Variants in CNTN4 observed in about 807,000 individuals in gnomAD.
CNTN4 encodes the protein contactin-4.
CNTN4 carries 77 observed loss-of-function variants against 122.5 expected under a neutral mutation model. The ratio of observed to expected loss-of-function variants is 0.63; its 90% CI spans 0.52 to 0.76. The LOEUF (loss-of-function observed/expected upper bound fraction) is 0.76. Ranked by LOEUF, CNTN4 falls within the 30% of genes least tolerant of loss-of-function variation. The pLI is 0.00. For missense variants in CNTN4, 1,256 were observed against 1,259.1 expected (o/e 1.00, Z 0.04); for synonymous variants, 512 against 447.0 (o/e 1.15, Z -1.83).
At chr3:2,669,446 G>A (rs1378960899) in intron 4 of CNTN4, among the ~76,000 whole-genome samples, 3 of 151,978 alleles carry the variant, frequency 2.0e-5, no homozygotes, top group South Asian at 2.1e-4. Flanking sequence ...TATCCCCTTT[G>A]TCATTTTTTA....
At position 2,418,291 on chromosome 3, in the gene CNTN4, T is replaced by G. The variant is rs185771412; in HGVS notation, c.-89+79058T>G. ...CTTCCCCTCAATTTTGCTGTGAACCTAAAGCTGCCTAGAAAAAATAAAGTC... is the reference window on the plus strand; with the variant it reads ...CTTCCCCTCAATTTTGCTGTGAACCGAAAGCTGCCTAGAAAAAATAAAGTC... On this transcript the variant is annotated intron_variant, in intron 3 of 24. Coordinates refer to ENST00000418658, the MANE Select transcript of CNTN4 (RefSeq NM_175607.3). Among the ~76,000 whole-genome samples the G allele has an allele frequency of 5.2e-3, 787 of 152,116 alleles. 6 individuals are homozygous for G. The highest frequency in any genetic ancestry group is 0.018 in the African/African-American group (757 of 41,536).
chr3:2,269,593 A>T (rs3915041), intron 2 of CNTN4, among the ~76,000 whole-genome samples: 65 of 151,886 alleles, frequency 4.3e-4, no homozygotes, highest in Non-Finnish European at 4.6e-4. Context: ...TTAAGAAATC[A>T]CTTAGGAATG....
intron 4 of CNTN4, among the ~76,000 whole-genome samples, chr3:2,577,200 G>A (rs886867989): frequency 6.6e-5 from 10 of 152,096 alleles, no homozygotes; most frequent in Non-Finnish European, 1.0e-4. Flanking sequence ...CCTGCTCTTA[G>A]CCTCTACTTT....
chr3:2,558,748 TA>T (rs1197714639), intron 3 of CNTN4, among the ~76,000 whole-genome samples: 3 of 152,194 alleles, frequency 2.0e-5, no homozygotes, highest in Non-Finnish European at 4.4e-5. Flanking sequence ...TTTCCCTGCC[TA>T]AAAATTATTA....
At chr3:2,684,771 G>A (rs2085345291) in intron 4 of CNTN4, among the ~76,000 whole-genome samples, 1 of 152,116 alleles carries the variant, frequency 6.6e-6, no homozygotes, top group East Asian at 1.9e-4. Flanking sequence ...ATTTAAAATA[G>A]TTTAACAAAA....
At position 2,179,042 on chromosome 3, in the gene CNTN4, C is replaced by G. The variant is rs571402643; in HGVS notation, c.-145+78403C>G. On this transcript the variant is annotated intron_variant, in intron 2 of 24. Transcript: ENST00000418658. The stretch of plus-strand genomic sequence containing the variant: ...CCTGATCCTCCTGCCATCTTACTCA[C>G]ATTTCTAATGTGCTCATACTCCGAG... Among the ~76,000 whole-genome samples the G allele has an allele frequency of 2.0e-5, 3 of 152,146 alleles. No individual in the cohort carries two copies. The South Asian group carries it at 6.2e-4, about 32-fold the overall frequency.
At chr3:2,842,438 C>A (rs2093379020) in intron 7 of CNTN4, among the ~76,000 whole-genome samples, 1 of 152,186 alleles carries the variant, frequency 6.6e-6, no homozygotes, top group Admixed American at 6.5e-5. Flanking sequence ...ACTCCTCTCT[C>A]CTGCATTAGA....
intron 10 of CNTN4, among the ~76,000 whole-genome samples, chr3:2,888,220 AG>A (rs748551028): frequency 1.2e-4 from 19 of 152,218 alleles, no homozygotes; most frequent in Middle Eastern, 3.4e-3. Context: ...CTCTTGGCTA[AG>A]GGGGGGCCCA....
intron 2 of CNTN4, among the ~76,000 whole-genome samples, chr3:2,237,374 C>T (rs1047982365): frequency 6.6e-6 from 1 of 152,080 alleles, no homozygotes; most frequent in Non-Finnish European, 1.5e-5. Context: ...ACTCCAGAGG[C>T]TGAAGCAGTA....
chr3:2,912,327 A>G (rs2094309391), intron 12 of CNTN4, among the ~76,000 whole-genome samples: 1 of 152,240 alleles, frequency 6.6e-6, no homozygotes, highest in South Asian at 2.1e-4. Flanking sequence ...AGAATACTAT[A>G]TCCGGTAAAA....
chr3:2,169,283 A>G (rs1232623418), intron 2 of CNTN4, among the ~76,000 whole-genome samples: 1 of 152,212 alleles, frequency 6.6e-6, no homozygotes, highest in East Asian at 1.9e-4. Flanking sequence ...GTATATTAAT[A>G]TAATTATTTA....
chr3:2,207,639 G>A (rs963085914), intron 2 of CNTN4, among the ~76,000 whole-genome samples: 3 of 152,088 alleles, frequency 2.0e-5, no homozygotes, highest in Non-Finnish European at 4.4e-5. Context: ...TTTGAAGCTA[G>A]CAGAGGTTGG....
At chr3:2,536,821 T>C (rs2077826149) in intron 3 of CNTN4, among the ~76,000 whole-genome samples, 1 of 152,150 alleles carries the variant, frequency 6.6e-6, no homozygotes, top group South Asian at 2.1e-4. Context: ...CAACATTTGA[T>C]ATTGAGTAGA....
intron 3 of CNTN4, among the ~76,000 whole-genome samples, chr3:2,532,532 T>C (rs921988835): frequency 1.3e-5 from 2 of 152,124 alleles, no homozygotes; most frequent in African/African-American, 4.8e-5. Context: ...AAAATCAAAA[T>C]TGTAAGTAGA....
At chr3:2,970,075 T>G (rs927251173) in intron 13 of CNTN4, among the ~76,000 whole-genome samples, 11 of 151,256 alleles carry the variant, frequency 7.3e-5, no homozygotes, top group Non-Finnish European at 1.3e-4. Context: ...GCATACTGTT[T>G]TTGTTGTTGT....
intron 3 of CNTN4, among the ~76,000 whole-genome samples, chr3:2,520,523 C>T (rs768458753): frequency 6.6e-6 from 1 of 151,948 alleles, no homozygotes; most frequent in Non-Finnish European, 1.5e-5. Flanking sequence ...ATCCACCTAC[C>T]TCTGCCTCCC....
chr3:2,980,311 A>G (rs1693840234), intron 13 of CNTN4, among the ~76,000 whole-genome samples: 2 of 151,758 alleles, frequency 1.3e-5, no homozygotes, highest in African/African-American at 4.9e-5. Context: ...TTGCTGCTTT[A>G]TCACCTTTGG....
chr3:2,684,409 A>C (rs2085326998), intron 4 of CNTN4, among the ~76,000 whole-genome samples: 1 of 152,300 alleles, frequency 6.6e-6, no homozygotes, highest in Admixed American at 6.5e-5. Flanking sequence ...AAAAGGAGAA[A>C]TTATACAAAG....
intron 14 of CNTN4, among the ~76,000 whole-genome samples, chr3:3,000,485 A>G (rs1695929059): frequency 6.6e-6 from 1 of 152,256 alleles, no homozygotes; most frequent in African/African-American, 2.4e-5. Context: ...AGAGATGAGC[A>G]GGAACTGCTG....
Sources: allele counts gnomAD v4.1 joint callset (sites outside exome capture counted in the v4.1 genomes callset), GRCh38; gene constraint gnomAD v4.1.1; transcripts MANE v1.5; gene names NCBI Gene and HGNC (gene_info 2026-07-23, HGNC 2026-07-21).